Variants in PARN observed in about 807,000 individuals in gnomAD.
PARN encodes poly(A)-specific ribonuclease PARN.
In PARN, 71 loss-of-function variants were observed where a neutral mutation model predicts 102.8. That is an observed-to-expected ratio of 0.69 (90% confidence interval 0.57 to 0.84). PARN has a LOEUF of 0.84. PARN is among the 40% of genes least tolerant of loss of function. PARN has a pLI of 0.00. For missense variants in PARN, 782 were observed against 760.9 expected, an observed-to-expected ratio of 1.03 and a Z score of -0.33; for synonymous variants, 261 against 252.9, an observed-to-expected ratio of 1.03 and a Z score of -0.30.
chr16:14,615,045 G>T (rs980699809), intron 6 of PARN, among the ~76,000 whole-genome samples: 5 of 151,834 alleles, frequency 3.3e-5, no homozygotes, highest in Admixed American at 3.3e-4. Context: ...TCCAGACAAG[G>T]AAATCAAAAG....
At chr16:14,580,237 G>T (rs1205311478) in intron 18 of PARN, among the ~76,000 whole-genome samples, 1 of 151,788 alleles carries the variant, frequency 6.6e-6, no homozygotes, top group Non-Finnish European at 1.5e-5. Flanking sequence ...CCCAAAGTTG[G>T]GGGATTACAG....
At chr16:14,530,341 A>T (rs1261000629) in intron 21 of PARN, among the ~76,000 whole-genome samples, 1 of 152,082 alleles carries the variant, frequency 6.6e-6, no homozygotes, top group Admixed American at 6.6e-5. Flanking sequence ...GCTTCCCCCC[A>T]GCCCACCAAC....
At chr16:14,481,262 T>C (rs1963366020) in intron 22 of PARN, among the ~76,000 whole-genome samples, 1 of 152,118 alleles carries the variant, frequency 6.6e-6, no homozygotes, top group Non-Finnish European at 1.5e-5. Context: ...GGGGGTAAAA[T>C]AAATGCTGCA....
At chr16:14,480,187 C>T (rs150216377) in intron 22 of PARN, among the ~76,000 whole-genome samples, 48 of 151,786 alleles carry the variant, frequency 3.2e-4, no homozygotes, top group Admixed American at 9.8e-4. Context: ...ACAAAAATTA[C>T]GCGGGCGTGG....
At chr16:14,592,193 A>C (rs1371458708) in intron 13 of PARN, 1 of 152,260 alleles carries the variant, frequency 6.6e-6, no homozygotes, top group Non-Finnish European at 1.5e-5. Flanking sequence ...GATGAGGAGA[A>C]AGAAGTGGTT....
chr16:14,530,661 A>G (rs1295587850), intron 21 of PARN, among the ~76,000 whole-genome samples: 3 of 151,942 alleles, frequency 2.0e-5, no homozygotes, highest in East Asian at 1.9e-4. Context: ...AGGGAGTGCA[A>G]CCCTCACTGG....
intron 5 of PARN, among the ~76,000 whole-genome samples, chr16:14,618,225 C>T (rs1415259752): frequency 6.6e-6 from 1 of 151,882 alleles, no homozygotes; most frequent in Non-Finnish European, 1.5e-5. Flanking sequence ...CGGTGGCTGA[C>T]ACCTGTAATC....
At chr16:14,627,401 T>C in intron 3 of PARN, 65 bp from the exon 4 acceptor site, 1 of 1,163,764 alleles carries the variant, frequency 8.6e-7, no homozygotes, top group Non-Finnish European at 1.3e-6. Flanking sequence ...CATAGCATTC[T>C]CAAACAGGTG....
rs1372585388 is a variant in PARN, at chr16:14,593,237, A to C, written c.918+64T>G. On this transcript the variant is annotated intron_variant, in intron 13 of 23. Coordinates refer to ENST00000437198, the MANE Select transcript of PARN (RefSeq NM_002582.4). ...AGGACAGTTCAGTTAAAAGCATCAT[A>C]ATAATATTTTTTCAGATAAAAAGAA... 9.1e-6 allele frequency: 8 copies of C among 879,012 alleles called. No individual in the cohort carries two copies. In the East Asian group the frequency reaches 9.8e-5, roughly 11 times the overall value. 54.5% of individuals were successfully genotyped at this position (879,012 alleles called of 1,614,324 possible).
chr16:14,441,828 C>G (rs570134522), intron 23 of PARN, among the ~76,000 whole-genome samples: 3 of 152,284 alleles, frequency 2.0e-5, no homozygotes, highest in African/African-American at 7.2e-5. Context: ...GATCTTGTTT[C>G]TGACTTTAAG....
At chr16:14,575,841 T>G (rs1400801028) in intron 18 of PARN, among the ~76,000 whole-genome samples, 1 of 152,186 alleles carries the variant, frequency 6.6e-6, no homozygotes, top group African/African-American at 2.4e-5. Flanking sequence ...ACTCCCACAA[T>G]TCCCACATAT....
At chr16:14,533,554 C>T (rs1334062319) in intron 21 of PARN, among the ~76,000 whole-genome samples, 1 of 152,076 alleles carries the variant, frequency 6.6e-6, no homozygotes, top group East Asian at 1.9e-4. Flanking sequence ...TCTAGCTCCC[C>T]GCTGCCCCAC....
intron 5 of PARN, among the ~76,000 whole-genome samples, chr16:14,620,069 CAAAAAAAAAAAAA>C (rs1167781322): frequency 4.2e-5 from 2 of 47,552 alleles, no homozygotes; most frequent in Admixed American, 5.3e-4. Flanking sequence ...GACTCTGTCT[CAAAAAAAAAAAAA>C]AAAAAAAAAC....
intron 6 of PARN, among the ~76,000 whole-genome samples, chr16:14,612,380 T>C (rs1045775094): frequency 2.0e-5 from 3 of 151,776 alleles, no homozygotes; most frequent in Non-Finnish European, 4.4e-5. Flanking sequence ...GAGGTTACAG[T>C]GAGCCGAGAT....
At position 14,540,207 on chromosome 16, in the gene PARN, C is replaced by G. The variant is rs1966787419; in HGVS notation, c.1480+11814G>C. The stretch of plus-strand genomic sequence containing the variant: ...AGAAATCTTATTTTTAAAAGTCATG[C>G]CATAGTTTGACTCATTTATCTATTG... On this transcript the variant is annotated intron_variant, in intron 21 of 23. Coordinates refer to ENST00000437198, the MANE Select transcript of PARN (RefSeq NM_002582.4). Among the ~76,000 whole-genome samples, 8 of 152,184 alleles carry G rather than the reference C, an allele frequency of 5.3e-5. No individual in the cohort carries two copies. The South Asian group carries it at 1.7e-3, about 32-fold the overall frequency.
chr16:14,447,593 C>G (rs1207215310), intron 22 of PARN, among the ~76,000 whole-genome samples: 1 of 152,210 alleles, frequency 6.6e-6, no homozygotes, highest in African/African-American at 2.4e-5. Context: ...AATCTTCTTC[C>G]TTTCCAAAAA....
At chr16:14,610,430 AC>A (rs1260348402) in intron 7 of PARN, among the ~76,000 whole-genome samples, 1 of 150,772 alleles carries the variant, frequency 6.6e-6, no homozygotes, top group African/African-American at 2.4e-5. Context: ...CCAGGATTGC[AC>A]CAATGCACTC....
chr16:14,567,912 T>C (rs1056527942), intron 18 of PARN, among the ~76,000 whole-genome samples: 22 of 152,236 alleles, frequency 1.4e-4, no homozygotes, highest in Non-Finnish European at 2.1e-4. Flanking sequence ...AAAATTAAGA[T>C]GCAAAGACAG....
rs1475288608 is a variant in PARN, at chr16:14,604,221, C to A, written c.708G>T (p.Glu236Asp). ...CTACTTTGCTGATAACTATATATCG[C>A]TCCTTCTAAAAGACATAAAGCAGAT... The part of the protein sequence containing the change: ...HVETLETEKK[E>D]RYIVISKVDE... The change falls in exon 11 of 24, where the codon GAG becomes GAT. Residue 236 changes from glutamate to aspartate, a missense_variant. Physicochemically the swap from Glu to Asp is conservative, Grantham distance 45. Coordinates refer to ENST00000437198, the MANE Select transcript of PARN (RefSeq NM_002582.4). 6.3e-7 allele frequency: 1 copy of A among 1,577,408 alleles called. No homozygotes were observed. Among genetic ancestry groups the A allele is most frequent in the Non-Finnish European group, 8.7e-7 (1 of 1,154,766 alleles).
Sources: gnomAD v4.1 joint callset for allele counts (sites outside exome capture counted in the v4.1 genomes callset) on GRCh38, gnomAD v4.1.1 for gene constraint, MANE v1.5 for transcripts, NCBI Gene and HGNC (gene_info 2026-07-23, HGNC 2026-07-21) for gene names.